The following FRY variants were observed in gnomAD, a reference collection of about 807,000 sequenced individuals.
FRY encodes protein furry homolog.
A neutral mutation model predicts 348.4 loss-of-function variants in FRY; 128 were observed. The ratio of observed to expected loss-of-function variants is 0.37; its 90% CI spans 0.32 to 0.43. FRY has a LOEUF of 0.43. Ranked by LOEUF, FRY falls within the 20% of genes least tolerant of loss-of-function variation. The probability of loss-of-function intolerance (pLI) is 1.00; values close to 1 mark genes in which losing one functional copy is unlikely to be tolerated. For synonymous variants in FRY, 1,370 were observed against 1,374.7 expected (o/e 1.00, Z 0.08); for missense variants, 2,736 against 3,695.2 (o/e 0.74, Z 6.73).
intron 7 of FRY, among the ~76,000 whole-genome samples, chr13:32,129,747 A>C (rs1879233184): frequency 6.6e-6 from 1 of 152,340 alleles, no homozygotes; most frequent in East Asian, 1.9e-4. Context: ...TTTTTTATTA[A>C]GAAATACATG....
intron 7 of FRY, among the ~76,000 whole-genome samples, chr13:32,128,373 G>T (rs1879155279): frequency 6.6e-6 from 1 of 152,198 alleles, no homozygotes; most frequent in African/African-American, 2.4e-5. Context: ...TGGTGCATCT[G>T]AACTCCCTGA....
chr13:32,148,855 A>C (rs963306345), intron 13 of FRY, among the ~76,000 whole-genome samples: 2 of 152,296 alleles, frequency 1.3e-5, no homozygotes, highest in African/African-American at 4.8e-5. Context: ...AGTTTGGTGC[A>C]ATGAAATAGT....
In FRY at chr13:32,173,435, T is replaced by C; in HGVS notation, c.2220T>C (p.Ala740=). 1 of 1,612,850 alleles carries C rather than the reference T, an allele frequency of 6.2e-7. No homozygotes were observed. Among genetic ancestry groups the C allele is most frequent in the Non-Finnish European group, 8.5e-7 (1 of 1,179,748 alleles). Residue 740 remains alanine, a synonymous_variant, in exon 19 of 61, where the codon GCT becomes GCC. Transcript: ENST00000542859. ...ERGPHCSVLH[A]VEGFALVLLC... Reference sequence around the variant, plus strand: ...GTCCCCACTGCAGTGTACTCCACGCTGTAGAAGGTTTTGCTCTGGTTTTAC... The same window carrying C: ...GTCCCCACTGCAGTGTACTCCACGCCGTAGAAGGTTTTGCTCTGGTTTTAC...
intron 17 of FRY, among the ~76,000 whole-genome samples, chr13:32,167,519 TA>T (rs1452468650): frequency 1.3e-5 from 2 of 152,188 alleles, no homozygotes; most frequent in Non-Finnish European, 2.9e-5. Context: ...CATATTGGAT[TA>T]GGGGCCCACA....
intron 1 of FRY, among the ~76,000 whole-genome samples, chr13:32,034,145 T>C (rs982369691): frequency 1.3e-5 from 2 of 152,226 alleles, no homozygotes; most frequent in African/African-American, 4.8e-5. Flanking sequence ...AATTATATGG[T>C]GGTGCTTATT....
rs1267128476 is a variant in FRY, at chr13:32,106,699, C to CTA, written c.324+4686_324+4687dup. 1.9e-4 allele frequency among the ~76,000 whole-genome samples: 29 copies of CTA among 152,130 alleles called. 1 individual carries two copies. Among genetic ancestry groups the CTA allele is most frequent in the Admixed American group, 1.3e-3 (20 of 15,276 alleles). On this transcript the variant is annotated intron_variant, in intron 3 of 60. Transcript: ENST00000542859. ...ATGTCAATCACATGGCCACATCTAG[C>CTA]TATAAGAAAGGTGGAGAAATTTTAC...
chr13:32,073,686 C>CTA (rs1874822627), intron 1 of FRY, among the ~76,000 whole-genome samples: 1 of 152,134 alleles, frequency 6.6e-6, no homozygotes, highest in South Asian at 2.1e-4. Flanking sequence ...TGCCTGAAGC[C>CTA]TAGTCACTCA....
At chr13:32,253,807 T>C (rs1158072203) in intron 50 of FRY, among the ~76,000 whole-genome samples, 1 of 152,232 alleles carries the variant, frequency 6.6e-6, no homozygotes, top group Non-Finnish European at 1.5e-5. Context: ...TCTACAATAA[T>C]ATATCTTGGT....
chr13:32,192,329 C>T (rs948189254), intron 28 of FRY, among the ~76,000 whole-genome samples: 3 of 145,562 alleles, frequency 2.1e-5, no homozygotes, highest in Non-Finnish European at 4.6e-5. Context: ...GACGGAGTCT[C>T]GCTCTGTCCC....
chr13:32,155,010 T>G (rs779416802), intron 14 of FRY, among the ~76,000 whole-genome samples: 1 of 152,214 alleles, frequency 6.6e-6, no homozygotes, highest in Non-Finnish European at 1.5e-5. Flanking sequence ...TGCTGGCCTT[T>G]GTAAATCAGA....
At chr13:32,262,534 C>T in intron 53 of FRY, 59 bp downstream of exon 53, 4 of 1,324,378 alleles carry the variant, frequency 3.0e-6, no homozygotes, top group Non-Finnish European at 4.4e-6. Context: ...AAAAAAAACA[C>T]TTCCAATTTT....
Position 32,186,395 on chromosome 13 carries a change from C to T in FRY, c.3455C>T (p.Thr1152Ile). Residue 1152 changes from threonine (T) to isoleucine (I), a missense_variant, in exon 27 of 61, where the codon ACA (threonine) becomes ATA (isoleucine). By Grantham distance (89) the Thr-to-Ile change is moderately conservative. Transcript: ENST00000542859. The part of the protein sequence containing the change: ...DRYSDRNHQI[T>I]RYQYCALKAM... ...TACAGTGACAGAAATCATCAGATTA[C>T]AAGATATCAGTATTGTGCATTAAAA... is the stretch of plus-strand genomic sequence containing the variant. The T allele has an allele frequency of 6.2e-7, 1 of 1,607,938 alleles. No individual in the cohort carries two copies.
chr13:32,094,195 CTCTTT>C (rs886126037), intron 2 of FRY, among the ~76,000 whole-genome samples: 4 of 151,762 alleles, frequency 2.6e-5, no homozygotes, highest in South Asian at 2.1e-4. Context: ...CTTTACAGTT[CTCTTT>C]TCTTTTCTTT....
At chr13:32,246,922 G>A (rs1593796393) in intron 47 of FRY, among the ~76,000 whole-genome samples, 1 of 149,842 alleles carries the variant, frequency 6.7e-6, no homozygotes, top group African/African-American at 2.5e-5. Context: ...GGAGGAGCCA[G>A]AGAACTAGAA....
chr13:32,123,735 T>A (rs892901368), intron 4 of FRY, among the ~76,000 whole-genome samples: 1 of 152,224 alleles, frequency 6.6e-6, no homozygotes, highest in Non-Finnish European at 1.5e-5. Flanking sequence ...CAAGTTAACA[T>A]CATTGAAAAT....
chr13:32,271,702 CT>C (rs1246393060), intron 55 of FRY, among the ~76,000 whole-genome samples: 2 of 152,192 alleles, frequency 1.3e-5, no homozygotes, highest in Non-Finnish European at 2.9e-5. Context: ...ATCCAATGTC[CT>C]CGCAGAAGAT....
At chr13:32,144,080 G>A (rs564832301) in intron 11 of FRY, among the ~76,000 whole-genome samples, 10 of 152,118 alleles carry the variant, frequency 6.6e-5, no homozygotes, top group South Asian at 6.2e-4. Flanking sequence ...ATTGGAAGAC[G>A]AGTAGTCAGA....
At chr13:32,119,699 GT>G (rs1878529838) in intron 4 of FRY, among the ~76,000 whole-genome samples, 1 of 152,030 alleles carries the variant, frequency 6.6e-6, no homozygotes, top group Non-Finnish European at 1.5e-5. Flanking sequence ...TGATTTCTGA[GT>G]GCCCTCCTTT....
chr13:32,089,814 G>T (rs1490708013), intron 2 of FRY, among the ~76,000 whole-genome samples: 1 of 152,120 alleles, frequency 6.6e-6, no homozygotes, highest in African/African-American at 2.4e-5. Flanking sequence ...GAGAACAGAT[G>T]GGAGGTGGAG....
Sources: gnomAD v4.1 joint callset for allele counts (sites outside exome capture counted in the v4.1 genomes callset) on GRCh38, gnomAD v4.1.1 for gene constraint, MANE v1.5 for transcripts, NCBI Gene and HGNC (gene_info 2026-07-23, HGNC 2026-07-21) for gene names.